DLG2: variants seen among roughly 807,000 people sequenced by gnomAD.
DLG2 encodes the protein disks large homolog 2.
A neutral mutation model predicts 132.5 loss-of-function variants in DLG2; 45 were observed. That is an observed-to-expected ratio of 0.34 (90% CI 0.27 to 0.44). The LOEUF is 0.44. Among genes scored for constraint, DLG2 ranks in the 20% least tolerant of loss-of-function variants. DLG2 has a pLI of 1.00. For missense variants in DLG2, 1,045 were observed against 1,196.9 expected (o/e 0.87, Z 1.87); for synonymous variants, 424 against 419.6 (o/e 1.01, Z -0.13).
intron 7 of DLG2, among the ~76,000 whole-genome samples, chr11:84,394,338 GTT>G (rs201713045): frequency 6.9e-6 from 1 of 144,162 alleles, no homozygotes; most frequent in Admixed American, 6.9e-5. Context: ...AAGTCTTTCA[GTT>G]TTTTTTTTTT....
chr11:84,503,504 T>A (rs930421209), intron 7 of DLG2, among the ~76,000 whole-genome samples: 1 of 152,222 alleles, frequency 6.6e-6, no homozygotes, highest in African/African-American at 2.4e-5. Context: ...AAGGGTAGTC[T>A]GCTGCATGTT....
intron 9 of DLG2, among the ~76,000 whole-genome samples, chr11:84,139,006 T>G (rs558632915): frequency 6.6e-6 from 1 of 151,888 alleles, no homozygotes; most frequent in South Asian, 2.1e-4. Context: ...AAAGGCTGGG[T>G]TTTCATTTTA....
chr11:85,588,180 G>C (rs1021738584), intron 3 of DLG2, among the ~76,000 whole-genome samples: 7 of 152,074 alleles, frequency 4.6e-5, no homozygotes, highest in Non-Finnish European at 7.4e-5. Flanking sequence ...TATGTGACTG[G>C]GTAATGATCT....
chr11:84,905,263 A>C (rs1161821330), intron 6 of DLG2, among the ~76,000 whole-genome samples: 2 of 152,166 alleles, frequency 1.3e-5, no homozygotes, highest in Non-Finnish European at 2.9e-5. Flanking sequence ...ATCTGTGTAC[A>C]AGTTCTTCTT....
At chr11:85,032,422 A>C (rs1421534391) in intron 6 of DLG2, among the ~76,000 whole-genome samples, 1 of 152,196 alleles carries the variant, frequency 6.6e-6, no homozygotes, top group Non-Finnish European at 1.5e-5. Context: ...ATTCATTTGA[A>C]ATATCCTGTT....
intron 3 of DLG2, among the ~76,000 whole-genome samples, chr11:85,368,993 G>A (rs1291347496): frequency 2.6e-5 from 4 of 152,152 alleles, no homozygotes; most frequent in East Asian, 1.9e-4. Context: ...TTAGCTAAAC[G>A]AAGGAAAAGT....
rs1051334392 is a variant in DLG2 at position 84,389,272 on chromosome 11, G to A, written c.520-137981C>T. On this transcript the variant is annotated intron_variant, in intron 7 of 27. Transcript: ENST00000376104. Reference sequence around the variant, plus strand: ...TTTCCAGACTTGGGTACTTTGCACAGCCTTGTAAAGTACATATAAATGTGA... The same window carrying A: ...TTTCCAGACTTGGGTACTTTGCACAACCTTGTAAAGTACATATAAATGTGA... 5.3e-5 allele frequency among the ~76,000 whole-genome samples: 8 copies of A among 152,146 alleles called. No homozygotes were observed. In the East Asian group the frequency reaches 1.4e-3, roughly 26 times the overall value.
At chr11:84,797,145 C>A (rs1037592871) in intron 6 of DLG2, among the ~76,000 whole-genome samples, 2 of 152,118 alleles carry the variant, frequency 1.3e-5, no homozygotes, top group African/African-American at 4.8e-5. Flanking sequence ...CCATGCCCGG[C>A]CTATGATTTT....
chr11:84,144,063 A>C (rs1182243639), intron 9 of DLG2, among the ~76,000 whole-genome samples: 1 of 152,140 alleles, frequency 6.6e-6, no homozygotes, highest in Non-Finnish European at 1.5e-5. Flanking sequence ...GACATTTTAA[A>C]GCATGTCTAA....
At chr11:84,150,758 T>A (rs538030346) in intron 9 of DLG2, among the ~76,000 whole-genome samples, 21 of 152,174 alleles carry the variant, frequency 1.4e-4, no homozygotes, top group Non-Finnish European at 2.8e-4. Context: ...CATAGATGGC[T>A]CTTATTATTT....
chr11:84,551,043 C>T (rs1252569309), intron 6 of DLG2, among the ~76,000 whole-genome samples: 1 of 152,042 alleles, frequency 6.6e-6, no homozygotes, highest in Non-Finnish European at 1.5e-5. Context: ...ATCCAGCTGC[C>T]TTTGTTTTAG....
chr11:85,605,804 C>T (rs971194753), intron 2 of DLG2, among the ~76,000 whole-genome samples: 3 of 152,102 alleles, frequency 2.0e-5, no homozygotes, highest in African/African-American at 7.2e-5. Flanking sequence ...CATGGTGAAA[C>T]CCCGTCTCTA....
intron 15 of DLG2, among the ~76,000 whole-genome samples, chr11:83,914,269 TCTCTCTTG>T (rs1286079300): frequency 6.6e-6 from 1 of 152,118 alleles, no homozygotes; most frequent in Non-Finnish European, 1.5e-5. Context: ...GCATCTCCCT[TCTCTCTTG>T]CTCTCTTCCT....
intron 8 of DLG2, among the ~76,000 whole-genome samples, chr11:84,242,123 G>A (rs755554934): frequency 3.9e-5 from 6 of 152,222 alleles, no homozygotes; most frequent in South Asian, 4.2e-4. Flanking sequence ...TAAGAAAGAC[G>A]GGCCAATATT....
intron 6 of DLG2, among the ~76,000 whole-genome samples, chr11:84,789,374 T>C (rs1327886301): frequency 2.0e-5 from 3 of 152,156 alleles, no homozygotes; most frequent in Admixed American, 6.6e-5. Flanking sequence ...AAGACAATGA[T>C]TGAGTAAACA....
chr11:85,135,822 G>A (rs2076102797), intron 5 of DLG2, among the ~76,000 whole-genome samples: 1 of 152,162 alleles, frequency 6.6e-6, no homozygotes, highest in Non-Finnish European at 1.5e-5. Flanking sequence ...AACACAAAGT[G>A]AGGAAAAGCT....
intron 6 of DLG2, among the ~76,000 whole-genome samples, chr11:84,927,462 G>C (rs2047533277): frequency 1.3e-5 from 2 of 151,974 alleles, no homozygotes; most frequent in South Asian, 4.1e-4. Flanking sequence ...AGCTCCCCAA[G>C]TGATTCCAGT....
intron 19 of DLG2, among the ~76,000 whole-genome samples, chr11:83,612,489 G>A (rs2060254980): frequency 6.6e-6 from 1 of 152,124 alleles, no homozygotes; most frequent in South Asian, 2.1e-4. Flanking sequence ...TAAGTGACTT[G>A]TGCAAGATCT....
intron 6 of DLG2, among the ~76,000 whole-genome samples, chr11:85,052,209 A>C (rs1222400375): frequency 2.0e-5 from 3 of 152,182 alleles, no homozygotes; most frequent in Admixed American, 2.0e-4. Context: ...CCTAGGTGAC[A>C]AAAATCAGAC....
Sources: gnomAD v4.1 joint callset for allele counts (sites outside exome capture counted in the v4.1 genomes callset) on GRCh38, gnomAD v4.1.1 for gene constraint, MANE v1.5 for transcripts, NCBI Gene and HGNC (gene_info 2026-07-23, HGNC 2026-07-21) for gene names.